Variants in RBFOX1 observed in about 807,000 individuals in gnomAD.
RBFOX1 encodes RNA binding protein fox-1 homolog 1.
RBFOX1 carries 8 observed loss-of-function variants against 57.7 expected under a neutral mutation model. The ratio of observed to expected loss-of-function variants is 0.14; its 90% CI spans 0.08 to 0.25. The LOEUF (loss-of-function observed/expected upper bound fraction) is 0.25. RBFOX1 is among the 10% of genes least tolerant of loss of function. The pLI, the probability that RBFOX1 is intolerant of heterozygous loss-of-function variation, is 1.00. For synonymous variants in RBFOX1, 326 were observed against 222.4 expected (o/e 1.47, Z -4.15); for missense variants, 611 against 548.5 (o/e 1.11, Z -1.14).
intron 12 of RBFOX1, 51 bp downstream of exon 12, chr16:7,653,998 C>G (rs2065712667): frequency 4.2e-6 from 6 of 1,443,080 alleles, no homozygotes; most frequent in Non-Finnish European, 5.4e-6. Flanking sequence ...CCCTCCCTCC[C>G]CAGAGGCACG....
intron 1 of RBFOX1, among the ~76,000 whole-genome samples, chr16:6,160,266 T>A (rs1361104520): frequency 1.3e-5 from 2 of 152,214 alleles, no homozygotes; most frequent in African/African-American, 2.4e-5. Flanking sequence ...CCTCTGTTTT[T>A]TTCTTAATGT....
intron 3 of RBFOX1, among the ~76,000 whole-genome samples, chr16:5,833,557 A>G (rs936375100): frequency 2.0e-5 from 3 of 151,864 alleles, no homozygotes; most frequent in Admixed American, 2.0e-4. Flanking sequence ...GAGGCAGTCC[A>G]TTTTTGTACC....
At chr16:7,207,853 T>G (rs1223685364) in intron 4 of RBFOX1, among the ~76,000 whole-genome samples, 2 of 152,108 alleles carry the variant, frequency 1.3e-5, no homozygotes, top group South Asian at 2.1e-4. Context: ...TTACCTTTAT[T>G]CAGGAGAGAG....
intron 1 of RBFOX1, among the ~76,000 whole-genome samples, chr16:6,062,898 C>G (rs921537824): frequency 6.6e-6 from 1 of 152,088 alleles, no homozygotes; most frequent in Non-Finnish European, 1.5e-5. Flanking sequence ...TGTAGGCCAG[C>G]TGGCTGGAAA....
At chr16:7,304,621 A>G in intron 4 of RBFOX1, 1 of 976,078 alleles carries the variant, frequency 1.0e-6, no homozygotes, top group Non-Finnish European at 1.2e-6. Context: ...GAAAGGGTGG[A>G]TGGAAGCCTC....
chr16:5,644,594 C>G (rs74772197), intron 3 of RBFOX1, among the ~76,000 whole-genome samples: 160 of 152,308 alleles, frequency 1.1e-3, no homozygotes, highest in Non-Finnish European at 1.9e-3. Flanking sequence ...TGAAGCGTGT[C>G]AGGCTGGGAG....
chr16:7,377,139 A>G (rs1478534992), intron 4 of RBFOX1, among the ~76,000 whole-genome samples: 1 of 152,216 alleles, frequency 6.6e-6, no homozygotes, highest in Non-Finnish European at 1.5e-5. Context: ...ATTACCTTTT[A>G]TATCAGTTTA....
intron 4 of RBFOX1, among the ~76,000 whole-genome samples, chr16:7,361,692 T>G (rs1348659850): frequency 6.6e-6 from 1 of 152,118 alleles, no homozygotes; most frequent in Non-Finnish European, 1.5e-5. Flanking sequence ...TCCTGCCTGG[T>G]AGTATGAGAA....
intron 4 of RBFOX1, among the ~76,000 whole-genome samples, chr16:5,901,112 G>A (rs945027590): frequency 4.6e-5 from 7 of 152,262 alleles, no homozygotes; most frequent in African/African-American, 1.7e-4. Context: ...AAACGGAGAC[G>A]CGTGTTGATT....
chr16:5,478,942 C>G (rs955317443), intron 2 of RBFOX1, among the ~76,000 whole-genome samples: 7 of 152,210 alleles, frequency 4.6e-5, no homozygotes, highest in African/African-American at 7.2e-5. Flanking sequence ...CTCACTATCA[C>G]TAGCTGCAGG....
At chr16:5,364,843 C>T (rs912568785) in intron 1 of RBFOX1, among the ~76,000 whole-genome samples, 13 of 152,084 alleles carry the variant, frequency 8.5e-5, no homozygotes, top group Admixed American at 2.6e-4. Flanking sequence ...ACATAATTAG[C>T]AAGGGCAGAT....
intron 4 of RBFOX1, among the ~76,000 whole-genome samples, chr16:7,500,446 A>G (rs894117660): frequency 2.0e-5 from 3 of 152,172 alleles, no homozygotes; most frequent in African/African-American, 7.2e-5. Flanking sequence ...TATAATGTCC[A>G]TATTCAGTTT....
chr16:7,093,161 G>T (rs1317896668), intron 4 of RBFOX1, among the ~76,000 whole-genome samples: 2 of 152,184 alleles, frequency 1.3e-5, no homozygotes, highest in Non-Finnish European at 2.9e-5. Context: ...ATTCGTTTCT[G>T]TTGACCTGGC....
At chr16:7,665,871 A>G (rs2069099732) in intron 13 of RBFOX1, among the ~76,000 whole-genome samples, 1 of 152,216 alleles carries the variant, frequency 6.6e-6, no homozygotes, top group Non-Finnish European at 1.5e-5. Flanking sequence ...TGAATAAGGC[A>G]CTGATTATTG....
intron 2 of RBFOX1, among the ~76,000 whole-genome samples, chr16:6,424,904 C>G (rs534281077): frequency 6.6e-6 from 1 of 152,134 alleles, no homozygotes; most frequent in East Asian, 1.9e-4. Flanking sequence ...GTTTTACTTT[C>G]GTTTTGAAAA....
rs115650353 is a variant in RBFOX1 at position 6,083,676 on chromosome 16, T to C, written c.-127+63684T>C. ...ATTATTTGTAGACACGGGGTCTCAC[T>C]GTGTTGCCCAGGCTGGACTCAAACT... On this transcript the variant is annotated intron_variant, in intron 1 of 15. Coordinates refer to ENST00000550418, the MANE Select transcript of RBFOX1 (RefSeq NM_018723.4). Among the ~76,000 whole-genome samples, 556 of 152,218 alleles carry C rather than the reference T, an allele frequency of 3.7e-3. 4 individuals carry two copies. Among genetic ancestry groups the C allele is most frequent in the African/African-American group, 0.012 (515 of 41,534 alleles).
intron 3 of RBFOX1, among the ~76,000 whole-genome samples, chr16:5,778,054 G>C (rs1005468660): frequency 6.6e-6 from 1 of 152,190 alleles, no homozygotes; most frequent in Non-Finnish European, 1.5e-5. Flanking sequence ...TGGTGAGCTG[G>C]AACCAGGCAC....
At chr16:7,558,255 G>A (rs2089310861) in intron 5 of RBFOX1, among the ~76,000 whole-genome samples, 1 of 152,054 alleles carries the variant, frequency 6.6e-6, no homozygotes. Flanking sequence ...TCGAGAGGCT[G>A]AGGTGGGAGG....
At chr16:7,628,621 T>G (rs1482900733) in intron 10 of RBFOX1, among the ~76,000 whole-genome samples, 1 of 151,474 alleles carries the variant, frequency 6.6e-6, no homozygotes. Context: ...GTGATAAACT[T>G]TTTTTTTTGA....
Sources: gnomAD v4.1 joint callset for allele counts (sites outside exome capture counted in the v4.1 genomes callset) on GRCh38, gnomAD v4.1.1 for gene constraint, MANE v1.5 for transcripts, NCBI Gene and HGNC (gene_info 2026-07-23, HGNC 2026-07-21) for gene names.